The following PAPOLA variants were observed in gnomAD, a reference collection of about 807,000 sequenced individuals.
PAPOLA encodes the protein poly(A) polymerase alpha, also known as polynucleotide adenylyltransferase alpha.
PAPOLA carries 15 observed loss-of-function variants against 100.6 expected under a neutral mutation model. That is an observed-to-expected ratio of 0.15 (90% CI 0.10 to 0.23). PAPOLA has a LOEUF of 0.23. Ranked by LOEUF, PAPOLA falls within the 10% of genes least tolerant of loss-of-function variation. PAPOLA has a pLI of 1.00. For missense variants in PAPOLA, 533 were observed against 884.2 expected, an observed-to-expected ratio of 0.60 and a Z score of 5.04; for synonymous variants, 293 against 300.0, an observed-to-expected ratio of 0.98 and a Z score of 0.24.
At chr14:96,562,645 G>C (rs751665568) in intron 20 of PAPOLA, 174 bp from the exon 21 acceptor site, 10 of 449,040 alleles carry the variant, frequency 2.2e-5, no homozygotes, top group Non-Finnish European at 3.6e-5. Context: ...TATCTGAAAT[G>C]GTGAAATAAC....
At chr14:96,505,056 CAT>C (rs1023158680) in intron 1 of PAPOLA, among the ~76,000 whole-genome samples, 2 of 152,116 alleles carry the variant, frequency 1.3e-5, no homozygotes, top group Admixed American at 6.5e-5. Context: ...TAGCTACAAA[CAT>C]ACTTTTGGAA....
intron 9 of PAPOLA, chr14:96,533,043 TC>T (rs1303628403): frequency 1.0e-6 from 1 of 982,472 alleles, no homozygotes; most frequent in Non-Finnish European, 1.2e-6. Context: ...GTTTTTTTTT[TC>T]TTTTTGCTTT....
chr14:96,539,613 G>C (rs1394791705), intron 12 of PAPOLA, among the ~76,000 whole-genome samples: 6 of 152,080 alleles, frequency 3.9e-5, no homozygotes, highest in Admixed American at 3.9e-4. Context: ...TTGGGGAAAA[G>C]GTAATGGCAA....
At chr14:96,530,531 G>A (rs1025587018) in intron 6 of PAPOLA, among the ~76,000 whole-genome samples, 7 of 151,836 alleles carry the variant, frequency 4.6e-5, no homozygotes, top group African/African-American at 1.7e-4. Flanking sequence ...GGGACTACAG[G>A]CGCTTGTCAC....
At chr14:96,543,845 G>A (rs1006884849) in intron 14 of PAPOLA, among the ~76,000 whole-genome samples, 1 of 151,620 alleles carries the variant, frequency 6.6e-6, no homozygotes, top group African/African-American at 2.4e-5. Flanking sequence ...TCCTTCATTA[G>A]TTTAAAGATA....
Position 96,542,285 on chromosome 14 carries a change from A to G in PAPOLA, c.1158A>G (p.Gln386=), listed in dbSNP as rs760552170. 2.2e-5 allele frequency: 35 copies of G among 1,598,040 alleles called. No homozygotes were observed. Among genetic ancestry groups the G allele is most frequent in the Admixed American group, 3.3e-5 (2 of 59,824 alleles). Residue 386 remains glutamine (Q), a synonymous_variant, in exon 13 of 22, where the codon CAA becomes CAG. Transcript: ENST00000216277. ...TAGCAAGTGCACCAACAGAAAAACA[A>G]CGCCTGGAATGGTGAGTATAAGAAT... ...VLLASAPTEK[Q]RLEWVGLVES...
At position 96,520,213 on chromosome 14, in the gene PAPOLA, A is replaced by G; in HGVS notation, c.167A>G (p.Glu56Gly). 2 of 1,611,554 alleles carry G rather than the reference A, an allele frequency of 1.2e-6. No individual in the cohort carries two copies. Among genetic ancestry groups the G allele is most frequent in the Non-Finnish European group, 1.7e-6 (2 of 1,178,880 alleles). Residue 56 changes from glutamate (E) to glycine (G), a missense_variant, in exon 2 of 22, where the codon GAG becomes GGG. By Grantham distance (98) the Glu-to-Gly change is moderately conservative. Around this residue, in one of 9 missense-constraint regions of PAPOLA, gnomAD observed 54 missense variants for 133.2 expected, o/e 0.41. Transcript: ENST00000216277. Reference sequence around the variant, plus strand: ...CCCTTTGGGGTTTTTGAAGAGGAAGAGGAACTGCAGCGCAGGTAAATAGAT... The same window carrying G: ...CCCTTTGGGGTTTTTGAAGAGGAAGGGGAACTGCAGCGCAGGTAAATAGAT... Reference protein sequence around the residue: ...LKPFGVFEEEEELQRRILILG... With the variant: ...LKPFGVFEEEGELQRRILILG...
intron 6 of PAPOLA, among the ~76,000 whole-genome samples, chr14:96,531,225 T>A (rs916240640): frequency 1.3e-5 from 2 of 151,906 alleles, no homozygotes; most frequent in African/African-American, 4.8e-5. Flanking sequence ...ATGGTCTCGA[T>A]CTCCTGACCT....
Position 96,556,211 on chromosome 14 carries a change from A to T in PAPOLA, c.1802A>T (p.Gln601Leu), listed in dbSNP as rs748536167. 3 of 1,614,026 alleles carry T rather than the reference A, an allele frequency of 1.9e-6. No individual in the cohort carries two copies. The highest frequency in any genetic ancestry group is 2.5e-6 in the Non-Finnish European group (3 of 1,180,034). The change falls in exon 19 of 22, where the codon CAA (glutamine) becomes CTA (leucine). Residue 601 changes from glutamine to leucine, a missense_variant. This residue lies in a region of PAPOLA where 242 missense variants were observed against 281.0 expected (regional missense o/e 0.86). Coordinates refer to ENST00000216277, the MANE Select transcript of PAPOLA (RefSeq NM_032632.5). The stretch of plus-strand genomic sequence containing the variant: ...GAAAGCATTCCTCAAACTGCCACAC[A>T]ACCAGCCATTTCTCCACCACCAAAG... ...SSESIPQTAT[Q>L]PAISPPPKPT...
chr14:96,502,836 C>T (rs891866753), intron 1 of PAPOLA: 14 of 432,708 alleles, frequency 3.2e-5, no homozygotes, highest in Admixed American at 4.2e-5. Flanking sequence ...GCCGTCGGGC[C>T]GGGGGCCTTC....
rs113680723 is a variant in PAPOLA at position 96,510,616 on chromosome 14, G to A, written c.8+8016G>A. ...AACCTTGAATTTTCAGTTTGGCCTT[G>A]GGCTTTATCATACATACTTTATTCC... On this transcript the variant is annotated intron_variant, in intron 1 of 21. Coordinates refer to ENST00000216277, the MANE Select transcript of PAPOLA (RefSeq NM_032632.5). 6.6e-5 allele frequency among the ~76,000 whole-genome samples: 10 copies of A among 152,272 alleles called. 1 individual carries two copies. The highest frequency in any genetic ancestry group is 2.4e-4 in the African/African-American group (10 of 41,542).
At chr14:96,524,800 G>A (rs76534898) in intron 3 of PAPOLA, among the ~76,000 whole-genome samples, 2,093 of 152,264 alleles carry the variant, frequency 0.014, 46 homozygotes, top group African/African-American at 0.047. Flanking sequence ...GATTATAGGC[G>A]TGAGCCACTG....
At chr14:96,543,012 C>A in intron 14 of PAPOLA, 119 bp downstream of exon 14, 3 of 965,266 alleles carry the variant, frequency 3.1e-6, no homozygotes, top group Non-Finnish European at 4.6e-6. Context: ...GGCTTATAGA[C>A]AATTTAGAAC....
intron 9 of PAPOLA, chr14:96,533,137 A>AC: frequency 1.0e-6 from 1 of 983,706 alleles, no homozygotes; most frequent in Non-Finnish European, 1.2e-6. Flanking sequence ...GTGCTTCGGG[A>AC]CAAAAAAGGA....
intron 12 of PAPOLA, chr14:96,541,779 T>C (rs1900014578): frequency 6.6e-6 from 1 of 152,286 alleles, no homozygotes; most frequent in South Asian, 2.1e-4. Flanking sequence ...CTATTTCATT[T>C]GAATTTAAAA....
At chr14:96,504,478 A>T (rs1896571406) in intron 1 of PAPOLA, 1 of 152,244 alleles carries the variant, frequency 6.6e-6, no homozygotes, top group South Asian at 2.1e-4. Context: ...CCAGGCAGGT[A>T]AATCGCTTGA....
intron 21 of PAPOLA, among the ~76,000 whole-genome samples, chr14:96,564,244 A>T (rs969713796): frequency 1.3e-5 from 2 of 152,090 alleles, no homozygotes; most frequent in African/African-American, 4.8e-5. Context: ...CTTCAGAATA[A>T]CACAAGGTGA....
At chr14:96,520,334 C>G in intron 2 of PAPOLA, 106 bp downstream of exon 2, 1 of 822,034 alleles carries the variant, frequency 1.2e-6, no homozygotes, top group South Asian at 1.9e-5. Context: ...GGTTATTTGC[C>G]CAGATCTATA....
At chr14:96,520,873 T>C (rs2140255944) in intron 2 of PAPOLA, 133 bp from the exon 3 acceptor site, 1 of 609,552 alleles carries the variant, frequency 1.6e-6, no homozygotes, top group East Asian at 2.9e-5. Context: ...CGAGCGAGCG[T>C]GCACTAACTA....
Sources: allele counts gnomAD v4.1 joint callset (sites outside exome capture counted in the v4.1 genomes callset), GRCh38; gene constraint gnomAD v4.1.1; regional missense constraint gnomAD v4.1.1; transcripts MANE v1.5; gene names NCBI Gene and HGNC (gene_info 2026-07-23, HGNC 2026-07-21).